Variants in PPP1R3F observed in about 807,000 individuals in gnomAD.
PPP1R3F encodes the protein protein phosphatase 1 regulatory subunit 3F.
PPP1R3F carries 29 observed loss-of-function variants against 24.2 expected under a neutral mutation model. That is an observed-to-expected ratio of 1.20 (90% CI 0.89 to 1.63). PPP1R3F has a LOEUF of 1.63. Among genes scored for constraint, PPP1R3F ranks in the 40% most tolerant of loss-of-function variants. PPP1R3F has a pLI of 0.00. For synonymous variants in PPP1R3F, 363 were observed against 340.1 expected, an observed-to-expected ratio of 1.07 and a Z score of -0.74; for missense variants, 823 against 729.3, an observed-to-expected ratio of 1.13 and a Z score of -1.48.
At chrX:49,291,291 TCTC>T (rs2066307657), downstream of PPP1R3F, among the ~76,000 whole-genome samples, 6 of 61,254 alleles carry the variant, frequency 9.8e-5, no homozygotes, top group Non-Finnish European at 1.5e-4. Context: ...CCTACTTTTC[TCTC>T]TCTCTCTCTC....
intron 3 of PPP1R3F, among the ~76,000 whole-genome samples, chrX:49,284,334 T>G (rs2066266364): frequency 9.0e-6 from 1 of 110,940 alleles, no homozygotes; most frequent in Non-Finnish European, 1.9e-5. Context: ...TTCTTGCTTT[T>G]CTTTTCTTTA....
downstream of PPP1R3F, among the ~76,000 whole-genome samples, chrX:49,288,863 G>A (rs1215214790): frequency 8.9e-6 from 1 of 111,977 alleles, no homozygotes; most frequent in Non-Finnish European, 1.9e-5. Flanking sequence ...AGGCAGGGCC[G>A]GGTGCTGTGG....
chrX:49,295,446 A>G (rs1405421527), intron 3 of PPP1R3F, among the ~76,000 whole-genome samples: 1 of 112,176 alleles, frequency 8.9e-6, no homozygotes, highest in Non-Finnish European at 1.9e-5. Flanking sequence ...ACCCGGTCAC[A>G]TTGATTGATT....
downstream of PPP1R3F, among the ~76,000 whole-genome samples, chrX:49,292,280 C>T (rs1557122455): frequency 8.9e-6 from 1 of 112,318 alleles, no homozygotes; most frequent in African/African-American, 3.2e-5. Context: ...TCTCCTCCTC[C>T]TCCTCTTCCT....
downstream of PPP1R3F, among the ~76,000 whole-genome samples, chrX:49,289,785 T>C (rs782201094): frequency 2.7e-5 from 3 of 111,601 alleles, no homozygotes; most frequent in South Asian, 1.1e-3. Flanking sequence ...AACAGACTTA[T>C]GGGCTGGGCG....
Position 49,270,385 on chromosome X carries a change from C to G in PPP1R3F, c.516C>G (p.Asn172Lys). ...TGCGCGGGTTGGTACGCGTGCTGAA[C>G]CGCTCCTTCGAGAAGGCGGTGCACG... ...PVLRGLVRVL[N>K]RSFEKAVHVR... Residue 172 changes from asparagine to lysine, a missense_variant, in exon 1 of 4, where the codon AAC becomes AAG. Asn to Lys is a moderately conservative substitution (Grantham distance 94). Transcript: ENST00000055335. The G allele has an allele frequency of 1.7e-6, 2 of 1,163,655 alleles. No individual in the cohort carries two copies. The highest frequency in any genetic ancestry group is 1.9e-5 in the South Asian group (1 of 53,255).
intron 3 of PPP1R3F, among the ~76,000 whole-genome samples, chrX:49,282,361 TA>T (rs1557120816): frequency 9.0e-6 from 1 of 110,715 alleles, no homozygotes. Context: ...TGAGACATGA[TA>T]AAGTAATAGA....
intron 1 of PPP1R3F, among the ~76,000 whole-genome samples, chrX:49,272,010 C>A (rs1204468554): frequency 1.8e-5 from 2 of 112,523 alleles, no homozygotes; most frequent in Non-Finnish European, 3.8e-5. Flanking sequence ...TAGATTCTCC[C>A]TAAAATGTAT....
At chrX:49,272,930 T>A (rs993070188) in intron 1 of PPP1R3F, 1 of 77,906 alleles carries the variant, frequency 1.3e-5, no homozygotes, top group Non-Finnish European at 3.1e-5. Context: ...TATTTTTTTC[T>A]ATTTTTTTTT....
chrX:49,270,537 G>T lies in PPP1R3F; in HGVS notation c.668G>T (p.Gly223Val). 1 of 1,204,963 alleles carries T rather than the reference G, an allele frequency of 8.3e-7. No homozygotes were observed. Among genetic ancestry groups the T allele is most frequent in the Non-Finnish European group, 1.1e-6 (1 of 894,524 alleles). The change falls in exon 1 of 4, where the codon GGC (glycine) becomes GTC (valine). Residue 223 changes from glycine (G) to valine (V), a missense_variant. Gly to Val is a moderately radical substitution (Grantham distance 109, BLOSUM62 -3). Coordinates refer to ENST00000055335, the MANE Select transcript of PPP1R3F (RefSeq NM_033215.5). ...GATCCCATCCTGGATCCGGGGCTCGGCCTGGGTCCCGGCCAGGCATCCGCC... is the reference window on the plus strand; with the variant it reads ...GATCCCATCCTGGATCCGGGGCTCGTCCTGGGTCCCGGCCAGGCATCCGCC... ...AGDPILDPGLGLGPGQASASS... is the reference protein window; with the variant it reads ...AGDPILDPGLVLGPGQASASS...
intron 3 of PPP1R3F, among the ~76,000 whole-genome samples, chrX:49,282,321 C>T (rs909539867): frequency 9.0e-6 from 1 of 111,523 alleles, no homozygotes; most frequent in South Asian, 3.7e-4. Flanking sequence ...TGCAAAAACG[C>T]TCTTTGAGGG....
intron 3 of PPP1R3F, chrX:49,301,287 C>T: frequency 2.0e-6 from 1 of 488,108 alleles, no homozygotes; most frequent in Non-Finnish European, 3.4e-6. Flanking sequence ...CTTTACATGC[C>T]TTTAGAATCA....
At chrX:49,276,214 C>G (rs973339978) in intron 1 of PPP1R3F, among the ~76,000 whole-genome samples, 1 of 112,805 alleles carries the variant, frequency 8.9e-6, no homozygotes, top group Non-Finnish European at 1.9e-5. Context: ...CAGGGCAACA[C>G]TGGGCAAGTT....
chrX:49,292,443 T>C (rs1230254573), downstream of PPP1R3F, among the ~76,000 whole-genome samples: 1 of 112,502 alleles, frequency 8.9e-6, no homozygotes, highest in Non-Finnish European at 1.9e-5. Flanking sequence ...AGGCTATAGA[T>C]TGGCCAGGTT....
At chrX:49,288,849 A>G (rs1470077490), downstream of PPP1R3F, among the ~76,000 whole-genome samples, 4 of 112,299 alleles carry the variant, frequency 3.6e-5, no homozygotes, top group African/African-American at 6.5e-5. Flanking sequence ...TTAAGAATAC[A>G]ATGAGGCAGG....
chrX:49,299,875 C>T (rs1368206550), intron 3 of PPP1R3F, among the ~76,000 whole-genome samples: 2 of 112,146 alleles, frequency 1.8e-5, no homozygotes, highest in Non-Finnish European at 3.8e-5. Flanking sequence ...CAAGCTTGAG[C>T]ATCCCAGGTC....
intron 1 of PPP1R3F, chrX:49,274,751 C>T (rs782284745): frequency 8.9e-6 from 1 of 112,130 alleles, no homozygotes; most frequent in Admixed American, 9.4e-5. Context: ...TCTGAAGTGA[C>T]TCTTTCAAAT....
chrX:49,272,310 A>G (rs2066185200), intron 1 of PPP1R3F, among the ~76,000 whole-genome samples: 1 of 112,264 alleles, frequency 8.9e-6, no homozygotes, highest in East Asian at 2.8e-4. Flanking sequence ...TTTTTCTTAC[A>G]GCATTAAGAG....
At chrX:49,278,020 C>T (rs144953707) in intron 1 of PPP1R3F, among the ~76,000 whole-genome samples, 4 of 112,028 alleles carry the variant, frequency 3.6e-5, no homozygotes, top group East Asian at 5.6e-4. Context: ...GGCTCAATGG[C>T]GTGACCTGCT....
Sources: gnomAD v4.1 joint callset for allele counts (sites outside exome capture counted in the v4.1 genomes callset) on GRCh38, gnomAD v4.1.1 for gene constraint, MANE v1.5 for transcripts, NCBI Gene and HGNC (gene_info 2026-07-23, HGNC 2026-07-21) for gene names.